The following EML4 variants were observed in gnomAD, a reference collection of about 807,000 sequenced individuals.
The protein encoded by EML4 is echinoderm microtubule-associated protein-like 4.
In EML4, 72 loss-of-function variants were observed where a neutral mutation model predicts 129.0. That is an observed-to-expected ratio of 0.56 (90% CI 0.46 to 0.68). EML4 has a LOEUF of 0.68. Among genes scored for constraint, EML4 ranks in the 30% least tolerant of loss-of-function variants. The pLI is 0.00. For missense variants in EML4, 1,363 were observed against 1,190.6 expected (o/e 1.14, Z -2.13); for synonymous variants, 532 against 405.0 (o/e 1.31, Z -3.77).
intron 1 of EML4, among the ~76,000 whole-genome samples, chr2:42,227,321 A>G (rs12995492): frequency 0.33 from 49,707 of 151,620 alleles, 8,813 homozygotes; most frequent in East Asian, 0.57. Context: ...GGTTCTCACT[A>G]TGTTGCTCAT....
intron 6 of EML4, among the ~76,000 whole-genome samples, chr2:42,274,530 A>G (rs1163047776): frequency 6.6e-6 from 1 of 152,212 alleles, no homozygotes; most frequent in African/African-American, 2.4e-5. Flanking sequence ...GAGTATGCCC[A>G]GAGCCATCTC....
Position 42,328,876 on chromosome 2 carries a change from C to G in EML4, c.2342-10C>G, listed in dbSNP as rs79239372. 283 of 1,577,612 alleles carry G rather than the reference C, an allele frequency of 1.8e-4. 3 individuals are homozygous for G. The East Asian group carries it at 6.1e-3, about 34-fold the overall frequency. The stretch of plus-strand genomic sequence containing the variant: ...TAATTTTTCTGCATCCCTGTGTTTC[C>G]ATATCAAAGGTGTCTGGCCAGAAGG... On this transcript the variant is annotated splice_polypyrimidine_tract_variant and intron_variant, in intron 21 of 22. Coordinates refer to ENST00000318522, the MANE Select transcript of EML4 (RefSeq NM_019063.5).
In EML4 at chr2:42,291,634, G is replaced by A. The variant is rs568306954; in HGVS notation, c.1218+3312G>A. ...TTGGCCAGGCTGGTCTCAAACTCCT[G>A]ATCTCAAGTGATCCTCCCATCTCAG... On this transcript the variant is annotated intron_variant, in intron 11 of 22. Coordinates refer to ENST00000318522, the MANE Select transcript of EML4 (RefSeq NM_019063.5). Among the ~76,000 whole-genome samples, 14 of 152,094 alleles carry A rather than the reference G, an allele frequency of 9.2e-5. No homozygotes were observed. The East Asian group carries it at 2.1e-3, about 23-fold the overall frequency.
At chr2:42,248,274 A>T (rs1266832249) in intron 2 of EML4, among the ~76,000 whole-genome samples, 3 of 152,188 alleles carry the variant, frequency 2.0e-5, no homozygotes, top group Non-Finnish European at 4.4e-5. Context: ...TTGTAATTTT[A>T]TGTAAATTGA....
chr2:42,323,759 C>G (rs1669641697), intron 19 of EML4, among the ~76,000 whole-genome samples: 4 of 139,006 alleles, frequency 2.9e-5, no homozygotes, highest in Admixed American at 2.8e-4. Context: ...TGTGGTGAAA[C>G]CCCGTCTCTA....
At chr2:42,273,491 G>C (rs10490560) in intron 6 of EML4, among the ~76,000 whole-genome samples, 34,759 of 152,026 alleles carry the variant, frequency 0.23, 4,801 homozygotes, top group East Asian at 0.56. Context: ...TGGCTTGCTA[G>C]TGTAATTAGT....
At chr2:42,202,082 C>CAAA (rs748080390) in intron 1 of EML4, among the ~76,000 whole-genome samples, 4 of 111,110 alleles carry the variant, frequency 3.6e-5, no homozygotes, top group African/African-American at 1.3e-4. Context: ...GACTCTGTCT[C>CAAA]AAAAAAAAAA....
At chr2:42,186,871 A>T (rs1007942951) in intron 1 of EML4, among the ~76,000 whole-genome samples, 1 of 152,160 alleles carries the variant, frequency 6.6e-6, no homozygotes, top group Non-Finnish European at 1.5e-5. Flanking sequence ...TAAAAAATTT[A>T]TATCATTGTG....
intron 19 of EML4, among the ~76,000 whole-genome samples, chr2:42,324,146 A>G (rs925716277): frequency 4.6e-5 from 7 of 151,594 alleles, no homozygotes; most frequent in Non-Finnish European, 7.4e-5. Flanking sequence ...AATAGAAAAA[A>G]TTAGCTGGGA....
chr2:42,203,524 T>C (rs1326361129), intron 1 of EML4, among the ~76,000 whole-genome samples: 3 of 152,180 alleles, frequency 2.0e-5, no homozygotes, highest in Admixed American at 6.5e-5. Context: ...TTATTTGTAG[T>C]ACAGTGGACG....
At chr2:42,225,109 A>C (rs1673870733) in intron 1 of EML4, among the ~76,000 whole-genome samples, 1 of 152,152 alleles carries the variant, frequency 6.6e-6, no homozygotes, top group African/African-American at 2.4e-5. Context: ...AAGGCTGAAT[A>C]ATATTCCATT....
chr2:42,186,046 C>CA (rs1258534216), intron 1 of EML4, among the ~76,000 whole-genome samples: 1 of 152,004 alleles, frequency 6.6e-6, no homozygotes, highest in East Asian at 1.9e-4. Flanking sequence ...AAAAAGGCCC[C>CA]AAAAAACTGT....
intron 3 of EML4, among the ~76,000 whole-genome samples, chr2:42,256,973 A>T (rs987332862): frequency 6.6e-6 from 1 of 152,246 alleles, no homozygotes; most frequent in South Asian, 2.1e-4. Flanking sequence ...GATATATTTG[A>T]TACAGCATTT....
chr2:42,276,777 C>A (rs1414771103), intron 6 of EML4, among the ~76,000 whole-genome samples: 2 of 152,150 alleles, frequency 1.3e-5, no homozygotes, highest in African/African-American at 4.8e-5. Context: ...AGATTCAAGT[C>A]GTAATCTTTT....
intron 1 of EML4, among the ~76,000 whole-genome samples, chr2:42,192,245 G>GT (rs1461676185): frequency 2.1e-5 from 3 of 145,410 alleles, no homozygotes; most frequent in African/African-American, 7.6e-5. Context: ...TTTTTTTTTG[G>GT]GGGGGGGAGG....
intron 17 of EML4, among the ~76,000 whole-genome samples, chr2:42,312,757 G>C (rs971939807): frequency 2.9e-4 from 44 of 151,220 alleles, no homozygotes; most frequent in African/African-American, 8.3e-4. Context: ...GTTTCACCTT[G>C]TTAGCCAGGG....
chr2:42,311,651 T>C (rs1382490695), intron 17 of EML4, among the ~76,000 whole-genome samples: 1 of 152,196 alleles, frequency 6.6e-6, no homozygotes, highest in Non-Finnish European at 1.5e-5. Context: ...GTCATTTTGG[T>C]GTGTCAGTTC....
intron 1 of EML4, among the ~76,000 whole-genome samples, chr2:42,220,697 A>G (rs577320230): frequency 2.0e-5 from 3 of 152,306 alleles, no homozygotes; most frequent in Admixed American, 2.0e-4. Flanking sequence ...TTAGATGAAG[A>G]AGGCATGTCA....
rs758054239 is a variant in EML4 at position 42,330,200 on chromosome 2, C to A, written c.2939C>A (p.Ser980Ter). 3 of 1,612,760 alleles carry A rather than the reference C, an allele frequency of 1.9e-6. No homozygotes were observed. Among genetic ancestry groups the A allele is most frequent in the African/African-American group, 2.7e-5 (2 of 74,494 alleles). ...LLEDQQDPSPSS is the reference protein window; with the variant it reads ...LLEDQQDPSP ...GAGGACCAGCAAGACCCTTCGCCCT[C>A]GTCCTAACACCCTGGCTTCAGTGCA... The change falls in exon 23 of 23, where the codon TCG becomes TAG. Residue 980 changes from serine to a stop codon, truncating the protein, a stop_gained. Coordinates refer to ENST00000318522, the MANE Select transcript of EML4 (RefSeq NM_019063.5). LOFTEE classifies it high-confidence loss of function.
Sources: allele counts gnomAD v4.1 joint callset (sites outside exome capture counted in the v4.1 genomes callset), GRCh38; gene constraint gnomAD v4.1.1; transcripts MANE v1.5; gene names NCBI Gene and HGNC (gene_info 2026-07-23, HGNC 2026-07-21).